C1QTNF3: variants seen among roughly 807,000 people sequenced by gnomAD.
C1QTNF3 encodes C1q and TNF related 3.
In C1QTNF3, 26 loss-of-function variants were observed where a neutral mutation model predicts 32.6. The ratio of observed to expected loss-of-function variants is 0.80; its 90% CI spans 0.58 to 1.11. The LOEUF is 1.11. C1QTNF3 is among the 50% of genes least tolerant of loss of function. C1QTNF3 has a pLI of 0.00. For missense variants in C1QTNF3, 362 were observed against 398.2 expected, an observed-to-expected ratio of 0.91 and a Z score of 0.77; for synonymous variants, 155 against 146.0, an observed-to-expected ratio of 1.06 and a Z score of -0.44.
chr5:34,240,900 G>T, the C1QTNF3 span, among the ~76,000 whole-genome samples: 1 of 152,104 alleles, frequency 6.6e-6, no homozygotes, highest in Admixed American at 6.6e-5. Flanking sequence ...TCCATCAGCA[G>T]CGTATCAAAA....
intron 1 of C1QTNF3, among the ~76,000 whole-genome samples, chr5:34,042,230 C>T (rs1754887135): frequency 6.6e-6 from 1 of 151,848 alleles, no homozygotes; most frequent in Non-Finnish European, 1.5e-5. Flanking sequence ...GTATGCATTT[C>T]AAACAGTTTA....
chr5:34,139,214 A>T, the C1QTNF3 span, among the ~76,000 whole-genome samples: 1 of 151,964 alleles, frequency 6.6e-6, no homozygotes, highest in Non-Finnish European at 1.5e-5. Context: ...ATGTGTGCTT[A>T]TATATACTTA....
chr5:34,051,030 T>C, the C1QTNF3 span, among the ~76,000 whole-genome samples: 10 of 152,210 alleles, frequency 6.6e-5, no homozygotes, highest in Admixed American at 4.6e-4. Context: ...CTTGACATTA[T>C]ATGATAAAGA....
At chr5:34,188,893 A>G in the C1QTNF3 span, among the ~76,000 whole-genome samples, 2 of 151,774 alleles carry the variant, frequency 1.3e-5, no homozygotes. Flanking sequence ...CCCAAATCTC[A>G]TCTTGAATTG....
At chr5:34,083,444 T>C in the C1QTNF3 span, among the ~76,000 whole-genome samples, 1 of 151,522 alleles carries the variant, frequency 6.6e-6, no homozygotes, top group African/African-American at 2.4e-5. Flanking sequence ...GCACAGCAGC[T>C]TAAATCGAAA....
chr5:34,035,795 T>A, intron 1 of C1QTNF3, 37 bp from the exon 2 acceptor site: 1 of 1,507,152 alleles, frequency 6.6e-7, no homozygotes, highest in Non-Finnish European at 9.1e-7. Flanking sequence ...GAAAAAAAGG[T>A]ACTTGTGAGC....
the C1QTNF3 span, among the ~76,000 whole-genome samples, chr5:34,088,528 TTAA>T: frequency 6.4e-4 from 98 of 152,280 alleles, 1 homozygote; most frequent in Non-Finnish European, 1.2e-3. Context: ...AGTAAAATAC[TTAA>T]TAAAATGTGT....
chr5:34,086,930 T>C, the C1QTNF3 span, among the ~76,000 whole-genome samples: 1 of 152,062 alleles, frequency 6.6e-6, no homozygotes, highest in Non-Finnish European at 1.5e-5. Context: ...AAACTCACCA[T>C]ATAGCCTTTA....
chr5:34,166,256 T>G, the C1QTNF3 span: 2 of 152,108 alleles, frequency 1.3e-5, no homozygotes, highest in Admixed American at 1.3e-4. Context: ...TTCCTCTTAA[T>G]GCTGAGTGCA....
the C1QTNF3 span, chr5:34,220,072 T>C: frequency 2.6e-5 from 4 of 152,122 alleles, no homozygotes; most frequent in Admixed American, 2.6e-4. Flanking sequence ...CAGTTCTATT[T>C]ACCTGAACAG....
At position 34,020,740 on chromosome 5, in the gene C1QTNF3, T is replaced by C. The variant is rs1249667085; in HGVS notation, c.803A>G (p.Tyr268Cys). The change falls in exon 6 of 6, where the codon TAT becomes TGT. Residue 268 changes from tyrosine to cysteine, a missense_variant and splice_region_variant. Tyr to Cys is a radical substitution (Grantham distance 194). Transcript: ENST00000382065. ...NGNTVFSMYS[Y>C]EMKGKSDTSS... ...TGTATCTGATTTGCCCTTCATTTCA[T>C]AGCTGGAAAGAAAAAGAGGAACAAA... 1.2e-6 allele frequency: 2 copies of C among 1,609,838 alleles called. No homozygotes were observed. The highest frequency in any genetic ancestry group is 2.2e-5 in the East Asian group (1 of 44,796).
chr5:34,153,876 CAAAA>C, the C1QTNF3 span, among the ~76,000 whole-genome samples: 1 of 113,840 alleles, frequency 8.8e-6, no homozygotes, highest in East Asian at 2.7e-4. Context: ...AAAAAAAAAA[CAAAA>C]GCAAAACAAA....
At chr5:34,136,501 C>T in the C1QTNF3 span, among the ~76,000 whole-genome samples, 1 of 152,164 alleles carries the variant, frequency 6.6e-6, no homozygotes, top group Admixed American at 6.5e-5. Context: ...CAGGAAACAA[C>T]AGATGCTGGA....
At chr5:34,187,173 T>C in the C1QTNF3 span, among the ~76,000 whole-genome samples, 2 of 152,292 alleles carry the variant, frequency 1.3e-5, no homozygotes, top group Admixed American at 1.3e-4. Flanking sequence ...AGACATGCTT[T>C]TGCACCTCCT....
chr5:34,180,851 A>C, the C1QTNF3 span, among the ~76,000 whole-genome samples: 7,589 of 120,082 alleles, frequency 0.063, 1 homozygote, highest in East Asian at 0.14. Flanking sequence ...GCTCACTGCA[A>C]TCTCTGCCTC....
the C1QTNF3 span, among the ~76,000 whole-genome samples, chr5:34,213,788 T>TATATATATATATATAC: frequency 2.9e-4 from 2 of 6,790 alleles, no homozygotes; most frequent in Non-Finnish European, 1.1e-3. Context: ...TATATATACA[T>TATATATATATATATAC]ATATATATAT....
At chr5:34,132,435 G>GTATATATATATATATATATATA in the C1QTNF3 span, among the ~76,000 whole-genome samples, 45 of 137,684 alleles carry the variant, frequency 3.3e-4, 1 homozygote, top group African/African-American at 1.1e-3. Context: ...GTATGTGTAT[G>GTATATATATATATATATATATA]TATATATATA....
the C1QTNF3 span, among the ~76,000 whole-genome samples, chr5:34,194,051 C>T: frequency 6.6e-6 from 1 of 152,264 alleles, no homozygotes; most frequent in African/African-American, 2.4e-5. Flanking sequence ...ACTGCTCCTA[C>T]GACCCAAAGA....
chr5:34,131,788 C>T, the C1QTNF3 span, among the ~76,000 whole-genome samples: 3 of 151,996 alleles, frequency 2.0e-5, no homozygotes, highest in Non-Finnish European at 2.9e-5. Flanking sequence ...GTTCCCATCA[C>T]AAAGAAATGA....
Sources: allele counts gnomAD v4.1 joint callset (sites outside exome capture counted in the v4.1 genomes callset), GRCh38; gene constraint gnomAD v4.1.1; transcripts MANE v1.5; gene names NCBI Gene and HGNC (gene_info 2026-07-23, HGNC 2026-07-21).